JARID2: variants seen among roughly 807,000 people sequenced by gnomAD.
The protein encoded by JARID2 is jumonji and AT-rich interaction domain containing 2, also known as protein Jumonji.
In JARID2, 21 loss-of-function variants were observed where a neutral mutation model predicts 125.6. That is an observed-to-expected ratio of 0.17 (90% CI 0.12 to 0.24). The LOEUF is 0.24. JARID2 is among the 10% of genes least tolerant of loss of function. The pLI is 1.00. For synonymous variants in JARID2, 736 were observed against 661.6 expected (o/e 1.11, Z -1.73); for missense variants, 1,303 against 1,639.6 (o/e 0.79, Z 3.55).
chr6:15,344,844 T>C (rs1033697506), intron 1 of JARID2, among the ~76,000 whole-genome samples: 3 of 152,214 alleles, frequency 2.0e-5, no homozygotes, highest in African/African-American at 7.2e-5. Context: ...ATGCTATTAA[T>C]AATAATAAAA....
chr6:15,296,423 G>C (rs1761417212), intron 1 of JARID2, among the ~76,000 whole-genome samples: 1 of 151,978 alleles, frequency 6.6e-6, no homozygotes, highest in Non-Finnish European at 1.5e-5. Flanking sequence ...TTAGTTTGTG[G>C]TTATGTTTTA....
intron 3 of JARID2, among the ~76,000 whole-genome samples, chr6:15,436,881 G>C (rs979630791): frequency 4.6e-5 from 7 of 151,922 alleles, no homozygotes; most frequent in African/African-American, 1.7e-4. Flanking sequence ...TCAGTTCAGG[G>C]GAGAATGAGG....
intron 1 of JARID2, among the ~76,000 whole-genome samples, chr6:15,283,208 G>GACCTTGTGATCTGCCC (rs1287708696): frequency 3.4e-5 from 5 of 147,518 alleles, no homozygotes; most frequent in Non-Finnish European, 1.5e-5. Flanking sequence ...TCGATCTGCC[G>GACCTTGTGATCTGCCC]ACCTTGTGAT....
intron 1 of JARID2, among the ~76,000 whole-genome samples, chr6:15,360,429 C>T (rs760013981): frequency 2.6e-4 from 39 of 152,106 alleles, no homozygotes; most frequent in Admixed American, 4.6e-4. Flanking sequence ...GTGATCTGCC[C>T]GCCTCGGCCT....
rs569753618 is a variant in JARID2, at chr6:15,278,503, G to A, written c.45+31919G>A. The stretch of plus-strand genomic sequence containing the variant: ...CGGGAAGCTGAGGCAGGAGAATGGC[G>A]TGAACCCGGGAGGCGGAGCTTGCAG... On this transcript the variant is annotated intron_variant, in intron 1 of 17. Transcript: ENST00000341776. Among the ~76,000 whole-genome samples the A allele has an allele frequency of 3.0e-4, 45 of 151,188 alleles. No homozygotes were observed. The East Asian group carries it at 4.0e-3, about 13-fold the overall frequency.
At chr6:15,288,898 G>A (rs758945538) in intron 1 of JARID2, among the ~76,000 whole-genome samples, 3 of 152,238 alleles carry the variant, frequency 2.0e-5, no homozygotes, top group African/African-American at 4.8e-5. Flanking sequence ...CCTTAAAGCA[G>A]CTAGTAAGCT....
chr6:15,393,376 T>G (rs189687351), intron 2 of JARID2, among the ~76,000 whole-genome samples: 105 of 152,368 alleles, frequency 6.9e-4, no homozygotes, highest in African/African-American at 2.5e-3. Flanking sequence ...CTTATGTAGG[T>G]TTTCCCTTAG....
chr6:15,499,769 A>T (rs552932850), intron 7 of JARID2, among the ~76,000 whole-genome samples: 15 of 152,056 alleles, frequency 9.9e-5, no homozygotes, highest in Admixed American at 9.8e-4. Flanking sequence ...TGTTCTCCAC[A>T]ACCACATCAG....
intron 1 of JARID2, among the ~76,000 whole-genome samples, chr6:15,280,987 G>A (rs1482506297): frequency 6.6e-6 from 1 of 152,094 alleles, no homozygotes; most frequent in African/African-American, 2.4e-5. Context: ...TGCAAAATAC[G>A]CTTGCGTTAT....
At chr6:15,328,374 C>A (rs1762600588) in intron 1 of JARID2, among the ~76,000 whole-genome samples, 1 of 152,194 alleles carries the variant, frequency 6.6e-6, no homozygotes, top group Non-Finnish European at 1.5e-5. Flanking sequence ...CTTGCAATTC[C>A]TAATAACACC....
intron 5 of JARID2, among the ~76,000 whole-genome samples, chr6:15,480,936 A>G (rs1168821579): frequency 6.6e-6 from 1 of 152,266 alleles, no homozygotes; most frequent in African/African-American, 2.4e-5. Flanking sequence ...AAATATGCGA[A>G]CAAAGCTTTT....
chr6:15,318,646 T>C (rs1683759261), intron 1 of JARID2, among the ~76,000 whole-genome samples: 1 of 152,156 alleles, frequency 6.6e-6, no homozygotes, highest in Non-Finnish European at 1.5e-5. Flanking sequence ...TCTCAGAGGA[T>C]TGTCATTTGA....
At chr6:15,416,636 C>T (rs1348153993) in intron 3 of JARID2, among the ~76,000 whole-genome samples, 1 of 148,448 alleles carries the variant, frequency 6.7e-6, no homozygotes, top group Non-Finnish European at 1.5e-5. Context: ...GAGATGGCAG[C>T]AGTACAGTCC....
Position 15,409,630 on chromosome 6 carries a change from C to T in JARID2, c.182-594C>T, listed in dbSNP as rs145789498. On this transcript the variant is annotated intron_variant, in intron 2 of 17. Coordinates refer to ENST00000341776, the MANE Select transcript of JARID2 (RefSeq NM_004973.4). Reference sequence around the variant, plus strand: ...GCACATCCATGAGCACCAAGACTCCCCTGCTTATCATCTGCTATCATAGAG... The same window carrying T: ...GCACATCCATGAGCACCAAGACTCCTCTGCTTATCATCTGCTATCATAGAG... Among the ~76,000 whole-genome samples, 299 of 152,278 alleles carry T rather than the reference C, an allele frequency of 2.0e-3. 1 individual carries two copies. Among genetic ancestry groups the T allele is most frequent in the African/African-American group, 6.5e-3 (269 of 41,552 alleles).
At chr6:15,287,142 CACAAACAA>C (rs371534589) in intron 1 of JARID2, among the ~76,000 whole-genome samples, 5 of 151,858 alleles carry the variant, frequency 3.3e-5, no homozygotes, top group Non-Finnish European at 7.4e-5. Context: ...AAAAAGAAAA[CACAAACAA>C]ACAAACAAAC....
intron 6 of JARID2, 37 bp downstream of exon 6, chr6:15,487,579 C>T (rs926791906): frequency 3.4e-6 from 5 of 1,487,024 alleles, no homozygotes; most frequent in African/African-American, 2.8e-5. Context: ...GTGTGCCAGA[C>T]CCCAGTTTCC....
intron 2 of JARID2, among the ~76,000 whole-genome samples, chr6:15,407,767 C>A (rs1765710452): frequency 6.6e-6 from 1 of 152,184 alleles, no homozygotes; most frequent in Non-Finnish European, 1.5e-5. Flanking sequence ...CCATCACATT[C>A]TTTTCTTCAC....
At chr6:15,475,493 A>G (rs965617963) in intron 5 of JARID2, among the ~76,000 whole-genome samples, 3 of 152,156 alleles carry the variant, frequency 2.0e-5, no homozygotes, top group African/African-American at 7.2e-5. Flanking sequence ...TGCAACTAGC[A>G]TTTTCTCTTG....
At position 15,521,342 on chromosome 6, in the gene JARID2, A is replaced by G. The variant is rs1423238839; in HGVS notation, c.*1091A>G. 6.6e-6 allele frequency: 1 copy of G among 152,040 alleles called. No homozygotes were observed. The highest frequency in any genetic ancestry group is 1.5e-5 in the Non-Finnish European group (1 of 68,014). The allele number at this position is 152,040 out of a possible 1,614,324, so 9.4% of individuals were successfully genotyped here. A position where few individuals can be genotyped will look rare whatever the true frequency, so the allele number is the denominator to read the frequency against. On this transcript the variant is annotated 3_prime_UTR_variant, in exon 18 of 18. Transcript: ENST00000341776. ...CTTCATGTTGTAACAAAAAGGAAAA[A>G]AGAAAAAAAAATCCCATCCCTTTTG...
Sources: gnomAD v4.1 joint callset for allele counts (sites outside exome capture counted in the v4.1 genomes callset) on GRCh38, gnomAD v4.1.1 for gene constraint, MANE v1.5 for transcripts, NCBI Gene and HGNC (gene_info 2026-07-23, HGNC 2026-07-21) for gene names.